The following THOC5 variants were observed in gnomAD, a reference collection of about 807,000 sequenced individuals.
THOC5 encodes the protein THO complex subunit 5, also known as Fms-interacting protein.
In THOC5, 43 loss-of-function variants were observed where a neutral mutation model predicts 92.9. The ratio of observed to expected loss-of-function variants is 0.46; its 90% CI spans 0.36 to 0.60. The LOEUF (loss-of-function observed/expected upper bound fraction) is 0.60. Among genes scored for constraint, THOC5 ranks in the 20% least tolerant of loss-of-function variants. The pLI, the probability that THOC5 is intolerant of heterozygous loss-of-function variation, is 0.00. For missense variants in THOC5, 659 were observed against 849.4 expected, an observed-to-expected ratio of 0.78 and a Z score of 2.79; for synonymous variants, 296 against 320.1, an observed-to-expected ratio of 0.92 and a Z score of 0.80.
At chr22:29,549,693 C>A (rs1332107570) in intron 1 of THOC5, among the ~76,000 whole-genome samples, 4 of 152,092 alleles carry the variant, frequency 2.6e-5, no homozygotes, top group African/African-American at 9.7e-5. Context: ...TCATAAAGAC[C>A]CTTGATGGTT....
At chr22:29,511,388 G>A (rs1056048103) in intron 18 of THOC5, 92 bp from the exon 19 acceptor site, 88 of 1,419,042 alleles carry the variant, frequency 6.2e-5, no homozygotes, top group South Asian at 2.8e-4. Context: ...GGGCCCGAGC[G>A]CTGATGCCTC....
chr22:29,512,023 G>A lies in THOC5; in HGVS notation c.1795C>T (p.Arg599Trp), dbSNP rs1197793903. 3.1e-6 allele frequency: 5 copies of A among 1,613,644 alleles called. No individual in the cohort carries two copies. Among genetic ancestry groups the A allele is most frequent in the Admixed American group, 1.7e-5 (1 of 59,984 alleles). The change falls in exon 18 of 20, where the codon CGG (arginine) becomes TGG (tryptophan). Residue 599 changes from arginine to tryptophan, a missense_variant and splice_region_variant. Physicochemically the swap from Arg to Trp is moderately radical, Grantham distance 101 (BLOSUM62 -3). Coordinates refer to ENST00000490103, the MANE Select transcript of THOC5 (RefSeq NM_003678.5). ...TGTCATCCCCAGCTGGGTCTTACCC[G>A]AATGTTGTCATCGTTGCTGTTGGTT... ...EKTNSNDDNI[R>W]AMEGEVNVCY...
intron 5 of THOC5, among the ~76,000 whole-genome samples, chr22:29,541,506 C>CA (rs34069596): frequency 0.22 from 19,800 of 88,918 alleles, 2,089 homozygotes; most frequent in East Asian, 0.41. Flanking sequence ...GACCCTGTCT[C>CA]AAAAAAAAAA....
At chr22:29,508,642 G>A in intron 19 of THOC5, 122 bp from the exon 20 acceptor site, 1 of 890,758 alleles carries the variant, frequency 1.1e-6, no homozygotes, top group Non-Finnish European at 1.8e-6. Flanking sequence ...ATGTTGTTGA[G>A]AAAAGCATAC....
At chr22:29,530,867 G>C (rs972998915) in intron 8 of THOC5, among the ~76,000 whole-genome samples, 1 of 152,050 alleles carries the variant, frequency 6.6e-6, no homozygotes, top group Non-Finnish European at 1.5e-5. Context: ...CACTAAGGAG[G>C]GATGGCAAAC....
chr22:29,529,466 A>C (rs910610605), intron 8 of THOC5, among the ~76,000 whole-genome samples: 4 of 152,202 alleles, frequency 2.6e-5, no homozygotes, highest in African/African-American at 7.2e-5. Flanking sequence ...CAAATTCCTA[A>C]ACCAGCATCA....
At chr22:29,530,733 T>C (rs569672838) in intron 8 of THOC5, among the ~76,000 whole-genome samples, 5 of 152,250 alleles carry the variant, frequency 3.3e-5, no homozygotes, top group African/African-American at 1.2e-4. Context: ...TGACACCTCA[T>C]TGAGTGATGT....
chr22:29,533,886 A>AT (rs2063702956), intron 7 of THOC5, among the ~76,000 whole-genome samples: 1 of 152,222 alleles, frequency 6.6e-6, no homozygotes, highest in Admixed American at 6.5e-5. Context: ...GCTGGTGGGA[A>AT]TTTCTGTAAA....
At chr22:29,549,927 A>G (rs1674220095) in intron 1 of THOC5, among the ~76,000 whole-genome samples, 1 of 152,048 alleles carries the variant, frequency 6.6e-6, no homozygotes, top group Non-Finnish European at 1.5e-5. Context: ...GGTCTCCCCA[A>G]AGCCCTCTTT....
chr22:29,507,421 G>A lies in THOC5; in HGVS notation c.*1036C>T, dbSNP rs2063149068. ...CTCTCGCCCAAGCCGGAGCGCAGGA[G>A]CGTGATCTTGGCTTACTGCAACCTC... is the stretch of plus-strand genomic sequence containing the variant. On this transcript the variant is annotated 3_prime_UTR_variant, in exon 20 of 20. Transcript: ENST00000490103. The A allele has an allele frequency of 6.6e-6, 1 of 152,228 alleles. No individual in the cohort carries two copies. The highest frequency in any genetic ancestry group is 1.5e-5 in the Non-Finnish European group (1 of 68,050). The allele number at this position is 152,228 out of a possible 1,614,324, so 9.4% of individuals were successfully genotyped here. A position where few individuals can be genotyped will look rare whatever the true frequency, so the allele number is the denominator to read the frequency against.
chr22:29,518,887 G>T, intron 15 of THOC5, 119 bp downstream of exon 15: 1 of 754,656 alleles, frequency 1.3e-6, no homozygotes, highest in Non-Finnish European at 2.2e-6. Flanking sequence ...ACTCCGTAAA[G>T]CCAGGAATCC....
At chr22:29,536,074 G>C (rs748834883) in intron 7 of THOC5, 3 of 152,282 alleles carry the variant, frequency 2.0e-5, no homozygotes, top group Non-Finnish European at 4.4e-5. Context: ...CTTTTACAAA[G>C]TTCTTTCATA....
chr22:29,546,837 T>G (rs918614966), intron 2 of THOC5, among the ~76,000 whole-genome samples: 1 of 150,916 alleles, frequency 6.6e-6, no homozygotes, highest in Non-Finnish European at 1.5e-5. Context: ...AGTACCCAAG[T>G]CACTTCTTTT....
chr22:29,517,183 G>C (rs1431043529), intron 16 of THOC5, 67 bp from the exon 17 acceptor site: 1 of 1,606,380 alleles, frequency 6.2e-7, no homozygotes, highest in Admixed American at 1.7e-5. Context: ...TGCTCTTCCA[G>C]TGAGGTGGCA....
At position 29,528,170 on chromosome 22, in the gene THOC5, C is replaced by T. The variant is rs2063580082; in HGVS notation, c.974G>A (p.Arg325Gln). 1.2e-6 allele frequency: 2 copies of T among 1,613,884 alleles called. No homozygotes were observed. The highest frequency in any genetic ancestry group is 1.1e-5 in the South Asian group (1 of 91,048). Residue 325 changes from arginine (R) to glutamine (Q), a missense_variant, in exon 11 of 20, where the codon CGG becomes CAG. By Grantham distance (43) the Arg-to-Gln change is conservative (BLOSUM62 1). Transcript: ENST00000490103. The part of the protein sequence containing the change: ...DAEEEQTTKR[R>Q]RPTLGVQLDD... Reference sequence around the variant, plus strand: ...CAACTGAACCCCCAGTGTGGGTCTCCGGCGCTTCTGGACAAAGGAAAGTGC... The same window carrying T: ...CAACTGAACCCCCAGTGTGGGTCTCTGGCGCTTCTGGACAAAGGAAAGTGC...
chr22:29,550,837 T>A (rs577316601), intron 1 of THOC5: 1 of 152,224 alleles, frequency 6.6e-6, no homozygotes, highest in Non-Finnish European at 1.5e-5. Context: ...TAAATAATGC[T>A]GAACACCTAA....
In THOC5 at chr22:29,531,885, G is replaced by T; in HGVS notation, c.793C>A (p.Pro265Thr). The T allele has an allele frequency of 6.2e-7, 1 of 1,614,196 alleles. No individual in the cohort carries two copies. Among genetic ancestry groups the T allele is most frequent in the Non-Finnish European group, 8.5e-7 (1 of 1,180,044 alleles). ...HKQYETARHLPPPLYVLFVQA... is the reference protein window; with the variant it reads ...HKQYETARHLTPPLYVLFVQA... The stretch of plus-strand genomic sequence containing the variant: ...ACAAAGAGGACATAGAGGGGAGGCG[G>T]CAGGTGTCTGGCTGTCTCATACTGC... The change falls in exon 8 of 20, where the codon CCG becomes ACG. Residue 265 changes from proline to threonine, a missense_variant. Physicochemically the swap from Pro to Thr is conservative, Grantham distance 38 (BLOSUM62 -1). Coordinates refer to ENST00000490103, the MANE Select transcript of THOC5 (RefSeq NM_003678.5).
Position 29,506,443 on chromosome 22 carries a change from T to C in THOC5, c.*2014A>G, listed in dbSNP as rs1463634775. ...ATCCTAGCACTTTGGGAGGCCGAGG[T>C]GGGAGGATCATTTGAGCCCAGGAGT... On this transcript the variant is annotated 3_prime_UTR_variant, in exon 20 of 20. Coordinates refer to ENST00000490103, the MANE Select transcript of THOC5 (RefSeq NM_003678.5). The C allele has an allele frequency of 6.6e-6, 1 of 152,006 alleles. No homozygotes were observed. Among genetic ancestry groups the C allele is most frequent in the Non-Finnish European group, 1.5e-5 (1 of 68,004 alleles). The allele number at this position is 152,006 out of a possible 1,614,324, so 9.4% of individuals were successfully genotyped here. A position where few individuals can be genotyped will look rare whatever the true frequency, so the allele number is the denominator to read the frequency against.
At chr22:29,535,892 C>T (rs1352817709) in intron 7 of THOC5, 3 of 152,110 alleles carry the variant, frequency 2.0e-5, no homozygotes, top group African/African-American at 7.2e-5. Flanking sequence ...CCAGGCTGGT[C>T]TCAAACTCCT....
Sources: gnomAD v4.1 joint callset for allele counts (sites outside exome capture counted in the v4.1 genomes callset) on GRCh38, gnomAD v4.1.1 for gene constraint, MANE v1.5 for transcripts, NCBI Gene and HGNC (gene_info 2026-07-23, HGNC 2026-07-21) for gene names.